The following ASAP1 variants were observed in gnomAD, a reference collection of about 807,000 sequenced individuals.
ASAP1 encodes arf-GAP with SH3 domain, ANK repeat and PH domain-containing protein 1.
In ASAP1, 43 loss-of-function variants were observed where a neutral mutation model predicts 145.2. That is an observed-to-expected ratio of 0.30 (90% CI 0.23 to 0.38). ASAP1 has a LOEUF of 0.38. Among genes scored for constraint, ASAP1 ranks in the 10% least tolerant of loss-of-function variants. The pLI is 1.00. For synonymous variants in ASAP1, 546 were observed against 515.5 expected, an observed-to-expected ratio of 1.06 and a Z score of -0.80; for missense variants, 1,018 against 1,355.3, an observed-to-expected ratio of 0.75 and a Z score of 3.91.
intron 4 of ASAP1, among the ~76,000 whole-genome samples, chr8:130,230,767 A>C (rs1320691734): frequency 6.6e-6 from 1 of 152,218 alleles, no homozygotes; most frequent in South Asian, 2.1e-4. Flanking sequence ...ACAAACTTGA[A>C]AAACAGCAAA....
At position 130,155,487 on chromosome 8, in the gene ASAP1, C is replaced by T. The variant is rs181375220; in HGVS notation, c.1011-2682G>A. Among the ~76,000 whole-genome samples the T allele has an allele frequency of 2.6e-5, 4 of 152,300 alleles. No individual in the cohort carries two copies. In the East Asian group the frequency reaches 7.7e-4, roughly 29 times the overall value. On this transcript the variant is annotated intron_variant, in intron 12 of 29. Coordinates refer to ENST00000518721, the MANE Select transcript of ASAP1 (RefSeq NM_018482.4). ...GCTCAAGCGATACTCCCACCTCGGCCTCCTGAGTAGCTGGGCCTACAAGCA... is the reference window on the plus strand; with the variant it reads ...GCTCAAGCGATACTCCCACCTCGGCTTCCTGAGTAGCTGGGCCTACAAGCA...
intron 3 of ASAP1, among the ~76,000 whole-genome samples, chr8:130,314,097 G>GA (rs1350033210): frequency 2.0e-5 from 3 of 152,134 alleles, no homozygotes; most frequent in Admixed American, 2.0e-4. Context: ...CCTTCAATTT[G>GA]GTCAGAAAAG....
intron 2 of ASAP1, among the ~76,000 whole-genome samples, chr8:130,371,865 T>A (rs1827228272): frequency 6.6e-6 from 1 of 152,238 alleles, no homozygotes; most frequent in Non-Finnish European, 1.5e-5. Flanking sequence ...GGTTTTTGTT[T>A]GTACAGAGTT....
At chr8:130,288,027 G>A (rs945076067) in intron 3 of ASAP1, among the ~76,000 whole-genome samples, 4 of 152,132 alleles carry the variant, frequency 2.6e-5, no homozygotes, top group African/African-American at 4.8e-5. Context: ...ATCCCAAAGC[G>A]CTTTCAAACT....
At chr8:130,132,427 C>T (rs1015364818) in intron 15 of ASAP1, among the ~76,000 whole-genome samples, 1 of 152,186 alleles carries the variant, frequency 6.6e-6, no homozygotes, top group African/African-American at 2.4e-5. Context: ...CCTTCCTATT[C>T]CATCCTCCTG....
Position 130,219,839 on chromosome 8 carries a change from G to A in ASAP1, c.260-5138C>T, listed in dbSNP as rs553050728. On this transcript the variant is annotated intron_variant, in intron 4 of 29. Transcript: ENST00000518721. Reference sequence around the variant, plus strand: ...GGTCTTGCTATTGTAGACCTGCGTGGAGTGCAGTGGCATGAACATGGCTCA... The same window carrying A: ...GGTCTTGCTATTGTAGACCTGCGTGAAGTGCAGTGGCATGAACATGGCTCA... Among the ~76,000 whole-genome samples the A allele has an allele frequency of 1.9e-4, 29 of 152,244 alleles. No individual in the cohort carries two copies. In the South Asian group the frequency reaches 5.8e-3, roughly 31 times the overall value.
rs547638864 is a variant in ASAP1 at position 130,304,373 on chromosome 8, TA to T, written c.186+53643del. 5.9e-5 allele frequency among the ~76,000 whole-genome samples: 9 copies of T among 152,142 alleles called. No homozygotes were observed. The South Asian group carries it at 1.7e-3, about 28-fold the overall frequency. On this transcript the variant is annotated intron_variant, in intron 3 of 29. Coordinates refer to ENST00000518721, the MANE Select transcript of ASAP1 (RefSeq NM_018482.4). ...CTTTGAAAGTCTGACACATTCACCC[TA>T]AAAAAAGGAACATCATTTCCCCCCT...
chr8:130,322,809 G>A (rs1416072252), intron 3 of ASAP1, among the ~76,000 whole-genome samples: 1 of 152,192 alleles, frequency 6.6e-6, no homozygotes, highest in African/African-American at 2.4e-5. Context: ...GCAGAATGTG[G>A]TAAGAGCAAA....
intron 3 of ASAP1, among the ~76,000 whole-genome samples, chr8:130,256,761 A>ATATATATATATT (rs1192219754): frequency 1.0e-5 from 1 of 98,152 alleles, no homozygotes; most frequent in African/African-American, 3.5e-5. Flanking sequence ...ATATATATAT[A>ATATATATATATT]TATATATATA....
chr8:130,121,237 C>T (rs970542852), intron 18 of ASAP1, among the ~76,000 whole-genome samples: 1 of 152,132 alleles, frequency 6.6e-6, no homozygotes, highest in Non-Finnish European at 1.5e-5. Flanking sequence ...ACCCAGGCCC[C>T]GCCACACTCC....
intron 5 of ASAP1, among the ~76,000 whole-genome samples, chr8:130,204,054 C>T (rs1816042057): frequency 2.6e-5 from 4 of 152,184 alleles, no homozygotes; most frequent in African/African-American, 7.2e-5. Flanking sequence ...GGCCACGAAC[C>T]GGTACAGGTC....
At chr8:130,227,636 A>C (rs1297353386) in intron 4 of ASAP1, among the ~76,000 whole-genome samples, 2 of 150,242 alleles carry the variant, frequency 1.3e-5, no homozygotes, top group Admixed American at 1.3e-4. Context: ...TTATATGTTT[A>C]TTTAATCAAT....
chr8:130,350,129 C>T (rs2138036989), intron 3 of ASAP1, among the ~76,000 whole-genome samples: 1 of 152,328 alleles, frequency 6.6e-6, no homozygotes, highest in Middle Eastern at 3.4e-3. Flanking sequence ...CACAGTGTGT[C>T]TTCTGAGACC....
At chr8:130,394,934 G>C (rs886199621) in intron 2 of ASAP1, among the ~76,000 whole-genome samples, 5 of 152,178 alleles carry the variant, frequency 3.3e-5, no homozygotes, top group Non-Finnish European at 7.3e-5. Flanking sequence ...AACCAGGAGA[G>C]GAGCCTGGTT....
At chr8:130,116,436 C>T (rs941765269) in intron 22 of ASAP1, among the ~76,000 whole-genome samples, 4 of 152,210 alleles carry the variant, frequency 2.6e-5, no homozygotes, top group Non-Finnish European at 5.9e-5. Flanking sequence ...ATGCACAAGT[C>T]GATCTGGTAA....
chr8:130,165,051 T>C (rs1028961235), intron 11 of ASAP1, among the ~76,000 whole-genome samples: 1 of 152,216 alleles, frequency 6.6e-6, no homozygotes, highest in African/African-American at 2.4e-5. Flanking sequence ...GTATTACTTG[T>C]AAAACTCTGT....
Position 130,273,072 on chromosome 8 carries a change from A to G in ASAP1, c.187-36078T>C, listed in dbSNP as rs140874350. The stretch of plus-strand genomic sequence containing the variant: ...CCCTAAATACCCTGACCTCATAATT[A>G]CACATCCTATGCATGTAAGAAAATT... On this transcript the variant is annotated intron_variant, in intron 3 of 29. Transcript: ENST00000518721. Among the ~76,000 whole-genome samples, 138 of 152,348 alleles carry G rather than the reference A, an allele frequency of 9.1e-4. 1 individual carries two copies. Among genetic ancestry groups the G allele is most frequent in the East Asian group, 6.2e-3 (32 of 5,196 alleles).
intron 3 of ASAP1, among the ~76,000 whole-genome samples, chr8:130,264,070 A>G (rs1820100058): frequency 6.6e-6 from 1 of 152,246 alleles, no homozygotes; most frequent in Non-Finnish European, 1.5e-5. Context: ...AATATGATGG[A>G]CAGGACATGG....
intron 13 of ASAP1, 75 bp from the exon 14 acceptor site, chr8:130,137,113 C>CACTGA: frequency 8.8e-6 from 11 of 1,252,924 alleles, no homozygotes; most frequent in Admixed American, 1.7e-5. Flanking sequence ...CCCTGTAGGG[C>CACTGA]AGGTATGCTG....
Sources: gnomAD v4.1 joint callset for allele counts (sites outside exome capture counted in the v4.1 genomes callset) on GRCh38, gnomAD v4.1.1 for gene constraint, MANE v1.5 for transcripts, NCBI Gene and HGNC (gene_info 2026-07-23, HGNC 2026-07-21) for gene names.